Variants in NCOA3 observed in about 807,000 individuals in gnomAD.
The protein encoded by NCOA3 is nuclear receptor coactivator 3.
Under a neutral mutation model 158.8 loss-of-function variants are expected in NCOA3, and 51 were observed. The observed-to-expected ratio is 0.32, with a 90% CI of 0.26 to 0.41. The LOEUF is 0.41. Among genes scored for constraint, NCOA3 ranks in the 10% least tolerant of loss-of-function variants. The probability of loss-of-function intolerance (pLI) is 1.00; values close to 1 mark genes in which losing one functional copy is unlikely to be tolerated. For missense variants in NCOA3, 1,510 were observed against 1,746.6 expected, an observed-to-expected ratio of 0.86 and a Z score of 2.41; for synonymous variants, 537 against 592.4, an observed-to-expected ratio of 0.91 and a Z score of 1.36.
At chr20:47,542,714 C>A (rs1014088391) in intron 1 of NCOA3, among the ~76,000 whole-genome samples, 2 of 152,126 alleles carry the variant, frequency 1.3e-5, no homozygotes, top group African/African-American at 2.4e-5. Context: ...ATAGTCCCAG[C>A]GCTTTGGGAA....
intron 1 of NCOA3, among the ~76,000 whole-genome samples, chr20:47,523,996 T>C (rs1446422501): frequency 6.6e-6 from 1 of 152,256 alleles, no homozygotes; most frequent in East Asian, 1.9e-4. Flanking sequence ...TAAAATCGCC[T>C]TACTAATTAA....
chr20:47,622,799 C>A (rs2086263108), intron 3 of NCOA3, among the ~76,000 whole-genome samples: 1 of 152,152 alleles, frequency 6.6e-6, no homozygotes, highest in Non-Finnish European at 1.5e-5. Context: ...GGGGTTAGAT[C>A]TCACAAAGTA....
chr20:47,503,601 A>C (rs531654270), intron 1 of NCOA3, among the ~76,000 whole-genome samples: 1 of 152,316 alleles, frequency 6.6e-6, no homozygotes, highest in African/African-American at 2.4e-5. Context: ...AAGAAACAGA[A>C]AATGTGGGAA....
At chr20:47,554,680 A>G (rs955115980) in intron 1 of NCOA3, among the ~76,000 whole-genome samples, 3 of 152,082 alleles carry the variant, frequency 2.0e-5, no homozygotes, top group African/African-American at 7.3e-5. Context: ...AAGGAGAGCT[A>G]CAAACCACTG....
Position 47,553,373 on chromosome 20 carries a change from T to A in NCOA3, c.-98-29810T>A, listed in dbSNP as rs551361265. 5.3e-5 allele frequency among the ~76,000 whole-genome samples: 8 copies of A among 152,248 alleles called. No individual in the cohort carries two copies. The East Asian group carries it at 1.2e-3, about 22-fold the overall frequency. The stretch of plus-strand genomic sequence containing the variant: ...CCTTTGCAGTGTCCGATCAAGATAC[T>A]TTTACACTCTTGAAAATTTTTTTTT... On this transcript the variant is annotated intron_variant, in intron 1 of 22. Coordinates refer to ENST00000371998, the MANE Select transcript of NCOA3 (RefSeq NM_181659.3).
intron 2 of NCOA3, among the ~76,000 whole-genome samples, chr20:47,598,722 A>G (rs1352430407): frequency 6.6e-6 from 1 of 152,248 alleles, no homozygotes; most frequent in Non-Finnish European, 1.5e-5. Flanking sequence ...ATTCATAGCA[A>G]CAGTATTCAT....
In NCOA3 at chr20:47,642,318, C is replaced by T. The variant is rs984743360; in HGVS notation, c.3186C>T (p.Ser1062=). Residue 1062 remains serine, a synonymous_variant, in exon 17 of 23, where the codon AGC becomes AGT. Transcript: ENST00000371998. ...TGGACCAGCTGCACACTCTTCTCAG[C>T]AACACAGATGCCACAGGCCTGGAAG... ...ALLDQLHTLL[S]NTDATGLEEI... The T allele has an allele frequency of 1.2e-6, 2 of 1,613,380 alleles. No individual in the cohort carries two copies. The highest frequency in any genetic ancestry group is 2.7e-5 in the African/African-American group (2 of 74,866).
chr20:47,506,471 G>A (rs1192897059), intron 1 of NCOA3, among the ~76,000 whole-genome samples: 2 of 152,138 alleles, frequency 1.3e-5, no homozygotes, highest in Non-Finnish European at 2.9e-5. Context: ...GTGTGTAGAA[G>A]GCCGATTTAT....
chr20:47,641,663 T>A (rs1396988788), intron 16 of NCOA3, among the ~76,000 whole-genome samples: 1 of 151,342 alleles, frequency 6.6e-6, no homozygotes, highest in Non-Finnish European at 1.5e-5. Context: ...CACGCCTGGC[T>A]GATTTTTTGT....
At chr20:47,629,200 C>T (rs2086374030) in intron 8 of NCOA3, among the ~76,000 whole-genome samples, 2 of 152,084 alleles carry the variant, frequency 1.3e-5, no homozygotes, top group African/African-American at 2.4e-5. Context: ...GCTATTTTTG[C>T]AGTCATTCAA....
chr20:47,629,820 ATATCTT>A (rs1221564962), intron 8 of NCOA3, among the ~76,000 whole-genome samples: 1 of 152,228 alleles, frequency 6.6e-6, no homozygotes, highest in African/African-American at 2.4e-5. Flanking sequence ...ACTAAATAAA[ATATCTT>A]TAAGCAATTT....
chr20:47,626,506 T>C (rs1216535332), intron 5 of NCOA3, among the ~76,000 whole-genome samples: 17 of 150,990 alleles, frequency 1.1e-4, no homozygotes, highest in East Asian at 1.9e-4. Flanking sequence ...TCTTTTTTTT[T>C]CCCCCCAGTA....
chr20:47,515,472 C>CTTTTTTTTTTTTTTTTTTTTTT (rs111350575), intron 1 of NCOA3, among the ~76,000 whole-genome samples: 1 of 130,048 alleles, frequency 7.7e-6, no homozygotes, highest in African/African-American at 2.8e-5. Flanking sequence ...TTCTTTCTTT[C>CTTTTTTTTTTTTTTTTTTTTTT]TTTTTTTTTT....
intron 1 of NCOA3, among the ~76,000 whole-genome samples, chr20:47,505,822 G>C (rs1240044320): frequency 9.5e-6 from 1 of 105,516 alleles, no homozygotes; most frequent in Non-Finnish European, 1.8e-5. Context: ...TTTTTTTTGA[G>C]ACAGAGTCTC....
intron 1 of NCOA3, among the ~76,000 whole-genome samples, chr20:47,580,635 C>T (rs2085438307): frequency 6.6e-6 from 1 of 152,028 alleles, no homozygotes; most frequent in Admixed American, 6.6e-5. Context: ...CCCCATGACC[C>T]TCCTTCGTCT....
chr20:47,586,445 CT>C lies in NCOA3; in HGVS notation c.-20+3185del, dbSNP rs1452866907. On this transcript the variant is annotated intron_variant, in intron 2 of 22. Coordinates refer to ENST00000371998, the MANE Select transcript of NCOA3 (RefSeq NM_181659.3). ...GTTACATATGTTATGCTTCTTTCCC[CT>C]AATACTTCTGTTGTATTCCTACAGA... is the stretch of plus-strand genomic sequence containing the variant. Among the ~76,000 whole-genome samples the C allele has an allele frequency of 2.0e-5, 3 of 152,062 alleles. No homozygotes were observed. The East Asian group carries it at 5.8e-4, about 29-fold the overall frequency.
At chr20:47,514,298 C>T (rs1201134605) in intron 1 of NCOA3, among the ~76,000 whole-genome samples, 2 of 151,632 alleles carry the variant, frequency 1.3e-5, no homozygotes, top group African/African-American at 4.8e-5. Context: ...TCTTCATAAC[C>T]CAATTTCAAA....
chr20:47,620,237 G>T, intron 2 of NCOA3, among the ~76,000 whole-genome samples: 1 of 152,118 alleles, frequency 6.6e-6, no homozygotes, highest in African/African-American at 2.4e-5. Context: ...TTATTCCTAA[G>T]TAGTTAATGC....
intron 18 of NCOA3, among the ~76,000 whole-genome samples, chr20:47,648,451 TTG>T (rs1159013760): frequency 1.3e-5 from 2 of 151,902 alleles, no homozygotes; most frequent in African/African-American, 4.8e-5. Flanking sequence ...TGAGTTTCTA[TTG>T]TGTGTGTGTA....
Sources: gnomAD v4.1 joint callset for allele counts (sites outside exome capture counted in the v4.1 genomes callset) on GRCh38, gnomAD v4.1.1 for gene constraint, MANE v1.5 for transcripts, NCBI Gene and HGNC (gene_info 2026-07-23, HGNC 2026-07-21) for gene names.